WDPCP: variants seen among roughly 807,000 people sequenced by gnomAD.
WDPCP encodes WD repeat containing planar cell polarity effector.
WDPCP carries 71 observed loss-of-function variants against 93.1 expected under a neutral mutation model. The observed-to-expected ratio is 0.76, with a 90% CI of 0.63 to 0.93. The LOEUF (loss-of-function observed/expected upper bound fraction) is 0.93. WDPCP is among the 40% of genes least tolerant of loss of function. WDPCP has a pLI of 0.00. For missense variants in WDPCP, 844 were observed against 887.4 expected (o/e 0.95, Z 0.62); for synonymous variants, 315 against 315.0 (o/e 1.00, Z 0.00).
chr2:63,366,403 G>T (rs1475679782), intron 12 of WDPCP, among the ~76,000 whole-genome samples: 1 of 151,658 alleles, frequency 6.6e-6, no homozygotes, highest in Non-Finnish European at 1.5e-5. Context: ...CCTTTGAGAG[G>T]CAATAATGAA....
intron 1 of WDPCP, among the ~76,000 whole-genome samples, chr2:63,820,476 A>C (rs1278433446): frequency 2.6e-5 from 4 of 152,154 alleles, no homozygotes; most frequent in Middle Eastern, 3.4e-3. Flanking sequence ...GCTCACAGAG[A>C]CTCGTTTTTG....
chr2:63,467,297 T>C (rs1012528080), intron 6 of WDPCP, among the ~76,000 whole-genome samples: 3 of 151,666 alleles, frequency 2.0e-5, no homozygotes, highest in Admixed American at 1.3e-4. Flanking sequence ...CTGGCCAGCA[T>C]GGTGAAACCC....
chr2:63,503,908 A>C (rs199849524), intron 1 of WDPCP, among the ~76,000 whole-genome samples: 1 of 35,424 alleles, frequency 2.8e-5, no homozygotes, highest in Non-Finnish European at 5.3e-5. Context: ...AGCTCAAATG[A>C]AAAAAAAAAA....
intron 13 of WDPCP, among the ~76,000 whole-genome samples, chr2:63,297,531 G>A (rs1211318418): frequency 1.3e-5 from 2 of 152,176 alleles, no homozygotes; most frequent in Admixed American, 6.5e-5. Flanking sequence ...GTATGTGGAG[G>A]AGCATTTCAG....
At chr2:63,319,306 A>G (rs12612773) in intron 12 of WDPCP, among the ~76,000 whole-genome samples, 121,891 of 152,138 alleles carry the variant, frequency 0.8, 49,699 homozygotes, top group East Asian at 0.96. Flanking sequence ...GTGAAAGGAA[A>G]GGGCCTAGTT....
chr2:63,705,509 A>G (rs140742662), intron 2 of WDPCP, among the ~76,000 whole-genome samples: 29,931 of 151,544 alleles, frequency 0.2, 3,173 homozygotes, highest in Middle Eastern at 0.27. Flanking sequence ...GTCTGTTCTC[A>G]TTGGTTTCAA....
At chr2:63,665,708 T>C (rs868406389) in intron 2 of WDPCP, among the ~76,000 whole-genome samples, 6 of 152,208 alleles carry the variant, frequency 3.9e-5, no homozygotes, top group African/African-American at 1.4e-4. Context: ...GGCTGGAGAT[T>C]TGGCAAGAAC....
chr2:63,563,885 C>T (rs1270160754), intron 1 of WDPCP, among the ~76,000 whole-genome samples: 1 of 152,142 alleles, frequency 6.6e-6, no homozygotes, highest in Non-Finnish European at 1.5e-5. Flanking sequence ...TTATAAACTA[C>T]CCACTCTCAG....
chr2:63,755,768 T>A (rs1346262612), intron 2 of WDPCP, among the ~76,000 whole-genome samples: 1 of 152,204 alleles, frequency 6.6e-6, no homozygotes, highest in African/African-American at 2.4e-5. Context: ...GTGCAAAAAA[T>A]ACTAATGTCC....
chr2:63,823,208 A>AC (rs1454223824), intron 1 of WDPCP, among the ~76,000 whole-genome samples: 3 of 151,654 alleles, frequency 2.0e-5, no homozygotes, highest in South Asian at 2.1e-4. Flanking sequence ...CCAAAAAAAA[A>AC]AAAAAACAAA....
chr2:63,547,590 C>T (rs1705247112), intron 1 of WDPCP, among the ~76,000 whole-genome samples: 1 of 151,894 alleles, frequency 6.6e-6, no homozygotes, highest in Non-Finnish European at 1.5e-5. Flanking sequence ...CACACACAGA[C>T]ACACACACTG....
chr2:63,762,249 C>T (rs544855492), intron 2 of WDPCP, among the ~76,000 whole-genome samples: 4 of 152,232 alleles, frequency 2.6e-5, no homozygotes, highest in African/African-American at 7.2e-5. Flanking sequence ...AGGGGACCAA[C>T]GAGGCTGCAG....
chr2:63,298,248 G>A (rs1190376555), intron 13 of WDPCP, among the ~76,000 whole-genome samples: 2 of 152,144 alleles, frequency 1.3e-5, no homozygotes, highest in Non-Finnish European at 2.9e-5. Flanking sequence ...CTGCCACCCA[G>A]CCACATATCT....
intron 2 of WDPCP, among the ~76,000 whole-genome samples, chr2:63,721,697 C>G (rs1401886167): frequency 6.6e-6 from 1 of 150,438 alleles, no homozygotes; most frequent in African/African-American, 2.5e-5. Context: ...CCCTGCCCTC[C>G]CGCTCCCCCT....
intron 9 of WDPCP, among the ~76,000 whole-genome samples, chr2:63,428,118 T>TG (rs1696455056): frequency 6.6e-6 from 1 of 151,166 alleles, no homozygotes; most frequent in Admixed American, 6.6e-5. Flanking sequence ...TTGGACCAGA[T>TG]GGATTCACAG....
rs138696281 is a variant in WDPCP, at chr2:63,681,527, A to G, written n.309-30689T>C. Among the ~76,000 whole-genome samples the G allele has an allele frequency of 3.5e-3, 535 of 152,332 alleles. 5 individuals carry two copies. Among genetic ancestry groups the G allele is most frequent in the African/African-American group, 0.012 (484 of 41,572 alleles). ...TTTGAGTACCAGCTCAGCTGCAAAC[A>G]ATGGAACACCGACAGACTTCTAAGG... On this transcript the variant is annotated intron_variant and non_coding_transcript_variant, in intron 2 of 4. Coordinates refer to the WDPCP transcript ENST00000467687.
chr2:63,297,943 C>T (rs55687260), intron 13 of WDPCP, among the ~76,000 whole-genome samples: 35,619 of 152,084 alleles, frequency 0.23, 5,628 homozygotes, highest in East Asian at 0.6. Context: ...ATGGCTGCAG[C>T]CATATGTTTA....
chr2:63,259,230 G>T, intron 14 of WDPCP, 77 bp downstream of exon 14: 1 of 1,239,792 alleles, frequency 8.1e-7, no homozygotes, highest in Non-Finnish European at 1.2e-6. Flanking sequence ...AACCATCCAT[G>T]TCCTCCAAAC....
At chr2:63,226,915 T>C (rs893773517) in intron 14 of WDPCP, among the ~76,000 whole-genome samples, 1 of 151,866 alleles carries the variant, frequency 6.6e-6, no homozygotes, top group African/African-American at 2.4e-5. Flanking sequence ...AACAGAAAAT[T>C]TGGCCAGAAA....
Sources: gnomAD v4.1 joint callset for allele counts (sites outside exome capture counted in the v4.1 genomes callset) on GRCh38, gnomAD v4.1.1 for gene constraint, MANE v1.5 for transcripts, NCBI Gene and HGNC (gene_info 2026-07-23, HGNC 2026-07-21) for gene names.